The following MEMO1 variants were observed in gnomAD, a reference collection of about 807,000 sequenced individuals.
MEMO1 encodes the protein mediator of cell motility 1.
A neutral mutation model predicts 45.2 loss-of-function variants in MEMO1; 6 were observed. The observed-to-expected ratio is 0.13, with a 90% confidence interval of 0.07 to 0.26. MEMO1 has a LOEUF of 0.26. Among genes scored for constraint, MEMO1 ranks in the 10% least tolerant of loss-of-function variants. The pLI is 1.00. For missense variants in MEMO1, 184 were observed against 370.5 expected (o/e 0.50, Z 4.13); for synonymous variants, 78 against 124.3 (o/e 0.63, Z 2.48).
At chr2:31,991,782 G>C (rs559736544) in intron 2 of MEMO1, among the ~76,000 whole-genome samples, 1 of 151,986 alleles carries the variant, frequency 6.6e-6, no homozygotes, top group Non-Finnish European at 1.5e-5. Flanking sequence ...GCAACTAAAC[G>C]CTCATACTAG....
At chr2:32,009,810 C>A (rs1351739333) in intron 2 of MEMO1, among the ~76,000 whole-genome samples, 2 of 152,118 alleles carry the variant, frequency 1.3e-5, no homozygotes, top group African/African-American at 2.4e-5. Flanking sequence ...CCGGGGGTGG[C>A]AGCGGCCGGC....
At chr2:31,870,062 G>T (rs3754837) in intron 8 of MEMO1, 110 bp from the exon 9 acceptor site, 84,483 of 858,050 alleles carry the variant, frequency 0.098, 4,634 homozygotes, top group Middle Eastern at 0.16. Flanking sequence ...CTTCAATTAG[G>T]GAGACACAAA....
chr2:31,882,414 A>T (rs1675542201), intron 8 of MEMO1, among the ~76,000 whole-genome samples: 1 of 152,088 alleles, frequency 6.6e-6, no homozygotes, highest in African/African-American at 2.4e-5. Flanking sequence ...TAACAATCTG[A>T]TTTACAGGAT....
chr2:31,981,911 G>T (rs570370058), intron 2 of MEMO1, among the ~76,000 whole-genome samples: 1 of 152,122 alleles, frequency 6.6e-6, no homozygotes, highest in Non-Finnish European at 1.5e-5. Flanking sequence ...TTTAATGTAT[G>T]CAAGTTAACC....
chr2:31,905,052 G>A (rs554676037), intron 6 of MEMO1, among the ~76,000 whole-genome samples: 4 of 152,272 alleles, frequency 2.6e-5, no homozygotes, highest in Admixed American at 6.5e-5. Context: ...TGGGCAACAT[G>A]GTGAAACCCC....
intron 2 of MEMO1, among the ~76,000 whole-genome samples, chr2:31,974,670 AG>A (rs1277340958): frequency 6.6e-6 from 1 of 151,284 alleles, no homozygotes; most frequent in Admixed American, 6.6e-5. Flanking sequence ...ACTTGAACCC[AG>A]GGGGGCCAGG....
At chr2:31,929,040 T>C (rs982291879) in intron 4 of MEMO1, among the ~76,000 whole-genome samples, 1 of 152,182 alleles carries the variant, frequency 6.6e-6, no homozygotes, top group Non-Finnish European at 1.5e-5. Context: ...TAACCTGATA[T>C]AGTCCATTGA....
intron 2 of MEMO1, among the ~76,000 whole-genome samples, chr2:31,985,557 C>T (rs1428510704): frequency 6.6e-6 from 1 of 152,134 alleles, no homozygotes; most frequent in African/African-American, 2.4e-5. Context: ...AACTCCTGAC[C>T]TCAAGTGATC....
At chr2:31,872,806 G>T (rs551716476) in intron 8 of MEMO1, among the ~76,000 whole-genome samples, 1 of 152,228 alleles carries the variant, frequency 6.6e-6, no homozygotes, top group African/African-American at 2.4e-5. Context: ...GGTTTAAGAG[G>T]TATGCCTCTT....
intron 7 of MEMO1, among the ~76,000 whole-genome samples, chr2:31,883,894 A>G (rs1272663202): frequency 1.3e-5 from 2 of 150,144 alleles, no homozygotes; most frequent in Non-Finnish European, 3.0e-5. Flanking sequence ...TTTGATCTCT[A>G]TTACGGGGGA....
At chr2:31,974,167 G>A (rs932617985) in intron 2 of MEMO1, among the ~76,000 whole-genome samples, 1 of 150,036 alleles carries the variant, frequency 6.7e-6, no homozygotes, top group African/African-American at 2.4e-5. Flanking sequence ...AACTTCCTCT[G>A]TAATACAAAA....
intron 6 of MEMO1, among the ~76,000 whole-genome samples, chr2:31,917,375 T>C (rs535647439): frequency 2.6e-5 from 4 of 152,112 alleles, no homozygotes; most frequent in Non-Finnish European, 4.4e-5. Flanking sequence ...TGCTAGGCGG[T>C]GGGGTATACA....
At chr2:31,993,949 C>CCTTTTTT (rs1672251581) in intron 2 of MEMO1, among the ~76,000 whole-genome samples, 1 of 73,556 alleles carries the variant, frequency 1.4e-5, no homozygotes, top group African/African-American at 4.9e-5. Flanking sequence ...TCAATACTTT[C>CCTTTTTT]TTTTTTTTTT....
At chr2:32,009,353 A>G (rs2148631538) in intron 2 of MEMO1, among the ~76,000 whole-genome samples, 1 of 152,302 alleles carries the variant, frequency 6.6e-6, no homozygotes, top group East Asian at 1.9e-4. Context: ...CACTGACAGA[A>G]GAGCTGGGAG....
In MEMO1 at chr2:31,945,105, G is replaced by T. The variant is rs144872098; in HGVS notation, c.62-1722C>A. On this transcript the variant is annotated intron_variant, in intron 2 of 9. Transcript: ENST00000404530. ...AATAAACAATAAGTGGTATTGTTCT[G>T]CATGTTTTCAAATGTTGTATCAATA... Among the ~76,000 whole-genome samples, 1,365 of 152,134 alleles carry T rather than the reference G, an allele frequency of 9.0e-3. 20 individuals are homozygous for T. Among genetic ancestry groups the T allele is most frequent in the African/African-American group, 0.031 (1,306 of 41,504 alleles).
chr2:31,925,499 A>AAAAAAAAAAAAC (rs1558507966), intron 4 of MEMO1, among the ~76,000 whole-genome samples: 24 of 149,376 alleles, frequency 1.6e-4, no homozygotes, highest in Non-Finnish European at 2.2e-4. Flanking sequence ...AAAAAAAAAA[A>AAAAAAAAAAAAC]TCTGTTCCCG....
intron 2 of MEMO1, among the ~76,000 whole-genome samples, chr2:31,996,081 C>T (rs1283081108): frequency 6.6e-6 from 1 of 151,804 alleles, no homozygotes; most frequent in Non-Finnish European, 1.5e-5. Flanking sequence ...AATATGCACA[C>T]CAAATAATAT....
At chr2:31,976,836 G>C (rs899308711) in intron 2 of MEMO1, among the ~76,000 whole-genome samples, 8 of 152,068 alleles carry the variant, frequency 5.3e-5, no homozygotes, top group Non-Finnish European at 8.8e-5. Context: ...GAGACAGGAT[G>C]AACAAAATGA....
At chr2:31,964,174 C>G (rs180694719) in intron 2 of MEMO1, among the ~76,000 whole-genome samples, 1 of 151,972 alleles carries the variant, frequency 6.6e-6, no homozygotes, top group South Asian at 2.1e-4. Flanking sequence ...TGAACACCAT[C>G]GCAGCCTCCA....
Sources: allele counts gnomAD v4.1 joint callset (sites outside exome capture counted in the v4.1 genomes callset), GRCh38; gene constraint gnomAD v4.1.1; transcripts MANE v1.5; gene names NCBI Gene and HGNC (gene_info 2026-07-23, HGNC 2026-07-21).